LAMA4: variants seen among roughly 807,000 people sequenced by gnomAD.
LAMA4 encodes laminin subunit alpha-4.
In LAMA4, 127 loss-of-function variants were observed where a neutral mutation model predicts 207.1. The ratio of observed to expected loss-of-function variants is 0.61; its 90% CI spans 0.53 to 0.71. The LOEUF is 0.71. LAMA4 is among the 30% of genes least tolerant of loss of function. LAMA4 has a pLI of 0.00. For missense variants in LAMA4, 2,093 were observed against 2,246.5 expected (o/e 0.93, Z 1.38); for synonymous variants, 761 against 816.0 (o/e 0.93, Z 1.15).
intron 3 of LAMA4, among the ~76,000 whole-genome samples, chr6:112,211,593 G>A (rs1784357822): frequency 6.6e-6 from 1 of 152,152 alleles, no homozygotes; most frequent in Admixed American, 6.5e-5. Flanking sequence ...CTATGTCTGA[G>A]GTATGCAGAA....
intron 2 of LAMA4, among the ~76,000 whole-genome samples, chr6:112,230,727 A>T (rs1554364163): frequency 6.6e-6 from 1 of 152,148 alleles, no homozygotes; most frequent in Non-Finnish European, 1.5e-5. Context: ...TCCTTGGAAG[A>T]CTTAACTCCC....
chr6:112,239,229 G>A (rs1283759439), intron 2 of LAMA4, among the ~76,000 whole-genome samples: 3 of 149,470 alleles, frequency 2.0e-5, no homozygotes, highest in South Asian at 2.1e-4. Flanking sequence ...GCTGAGGCAT[G>A]AGAATAGCTT....
At chr6:112,188,386 G>A (rs1321846403) in intron 7 of LAMA4, among the ~76,000 whole-genome samples, 4 of 152,132 alleles carry the variant, frequency 2.6e-5, no homozygotes, top group African/African-American at 9.7e-5. Flanking sequence ...GCCTTGTCTA[G>A]GGGCCACCTG....
chr6:112,153,824 A>C (rs1462582441), intron 16 of LAMA4, among the ~76,000 whole-genome samples: 2 of 152,194 alleles, frequency 1.3e-5, no homozygotes, highest in African/African-American at 2.4e-5. Flanking sequence ...AGACTAGAGA[A>C]ACAATGACAC....
intron 5 of LAMA4, among the ~76,000 whole-genome samples, chr6:112,195,448 G>C (rs1783359133): frequency 6.6e-6 from 1 of 152,144 alleles, no homozygotes; most frequent in Non-Finnish European, 1.5e-5. Flanking sequence ...TCTTCAGAGA[G>C]AATTAGACTA....
intron 2 of LAMA4, among the ~76,000 whole-genome samples, chr6:112,229,697 G>A (rs1785435000): frequency 1.3e-5 from 2 of 152,194 alleles, no homozygotes; most frequent in African/African-American, 4.8e-5. Flanking sequence ...GATTGAAGTT[G>A]CACTATCTAA....
At chr6:112,193,159 G>A (rs151101860) in intron 5 of LAMA4, among the ~76,000 whole-genome samples, 1 of 152,262 alleles carries the variant, frequency 6.6e-6, no homozygotes, top group East Asian at 1.9e-4. Context: ...AGGTAGGGTA[G>A]AGAAGTTAGT....
At chr6:112,205,030 C>G (rs1554353794) in intron 4 of LAMA4, among the ~76,000 whole-genome samples, 3 of 152,094 alleles carry the variant, frequency 2.0e-5, no homozygotes, top group Non-Finnish European at 1.5e-5. Context: ...CTGTCTTTTT[C>G]TTTTCTGTTT....
rs397516731 is a variant in LAMA4, at chr6:112,120,475, G to T, written c.4476-3C>A. The T allele has an allele frequency of 1.2e-6, 2 of 1,609,434 alleles. No homozygotes were observed. The highest frequency in any genetic ancestry group is 1.7e-6 in the Non-Finnish European group (2 of 1,175,994). Reference sequence around the variant, plus strand: ...TCAGACGAATGGAAAACTGAGATCTGGTAAATGAAAAGAAAGGGATTACCA... The same window carrying T: ...TCAGACGAATGGAAAACTGAGATCTTGTAAATGAAAAGAAAGGGATTACCA... On this transcript the variant is annotated splice_region_variant and splice_polypyrimidine_tract_variant and intron_variant, in intron 32 of 38. Coordinates refer to ENST00000230538, the MANE Select transcript of LAMA4 (RefSeq NM_001105206.3).
chr6:112,150,944 ATC>A (rs1387188191), intron 16 of LAMA4, among the ~76,000 whole-genome samples: 1 of 152,072 alleles, frequency 6.6e-6, no homozygotes, highest in African/African-American at 2.4e-5. Context: ...AAAGAAAAAA[ATC>A]TCTCTCTCTC....
At chr6:112,155,520 C>G (rs1327458730) in intron 15 of LAMA4, 45 bp downstream of exon 15, 5 of 1,608,518 alleles carry the variant, frequency 3.1e-6, no homozygotes, top group Non-Finnish European at 4.3e-6. Context: ...AACAGAAAAG[C>G]CAGTGGGAAA....
chr6:112,190,597 G>A (rs1583842462), intron 6 of LAMA4, among the ~76,000 whole-genome samples: 1 of 152,186 alleles, frequency 6.6e-6, no homozygotes. Context: ...GGAAAGCAAT[G>A]TCACCTCACT....
In LAMA4 at chr6:112,131,158, T is replaced by A. The variant is rs782094008; in HGVS notation, c.3835-57A>T. On this transcript the variant is annotated intron_variant, in intron 28 of 38. Transcript: ENST00000230538. ...AGTCTAGGGATCCAAAAGACGGAAA[T>A]GTTTTCAACATTTACTGAATGGTAT... 96 of 1,541,110 alleles carry A rather than the reference T, an allele frequency of 6.2e-5. No individual in the cohort carries two copies. The African/African-American group carries it at 1.2e-3, about 19-fold the overall frequency.
At chr6:112,246,607 G>A (rs1554188726) in intron 2 of LAMA4, among the ~76,000 whole-genome samples, 1 of 146,328 alleles carries the variant, frequency 6.8e-6, no homozygotes, top group African/African-American at 2.5e-5. Flanking sequence ...TGCAACCTCC[G>A]CCTCCCGAGT....
intron 36 of LAMA4, 27 bp from the exon 37 acceptor site, chr6:112,114,783 A>C (rs782081471): frequency 3.4e-6 from 5 of 1,474,828 alleles, no homozygotes; most frequent in Non-Finnish European, 4.7e-6. Flanking sequence ...ACATTGTATG[A>C]TTTAGTTTGT....
At chr6:112,124,875 G>C (rs1554327113) in intron 31 of LAMA4, among the ~76,000 whole-genome samples, 1 of 151,788 alleles carries the variant, frequency 6.6e-6, no homozygotes, top group African/African-American at 2.4e-5. Context: ...TCCTGCCTCA[G>C]CCTCCCGAGT....
At chr6:112,121,123 A>G (rs782486210) in intron 32 of LAMA4, among the ~76,000 whole-genome samples, 14 of 152,184 alleles carry the variant, frequency 9.2e-5, no homozygotes, top group African/African-American at 1.7e-4. Flanking sequence ...ATGTTAAAGA[A>G]GCTTATCCAT....
chr6:112,236,765 C>A (rs549670076), intron 2 of LAMA4: 2 of 152,190 alleles, frequency 1.3e-5, no homozygotes, highest in South Asian at 4.2e-4. Flanking sequence ...TGCTTATTTT[C>A]TTGATTTTTA....
intron 9 of LAMA4, among the ~76,000 whole-genome samples, chr6:112,183,961 A>G (rs535306395): frequency 2.5e-4 from 38 of 151,672 alleles, no homozygotes; most frequent in Admixed American, 5.2e-4. Context: ...AAAAAAAAAA[A>G]AAAAAAAAGA....
Sources: gnomAD v4.1 joint callset for allele counts (sites outside exome capture counted in the v4.1 genomes callset) on GRCh38, gnomAD v4.1.1 for gene constraint, MANE v1.5 for transcripts, NCBI Gene and HGNC (gene_info 2026-07-23, HGNC 2026-07-21) for gene names.